NEK1: variants seen among roughly 807,000 people sequenced by gnomAD.
NEK1 encodes serine/threonine-protein kinase Nek1.
A neutral mutation model predicts 182.1 loss-of-function variants in NEK1; 137 were observed. The observed-to-expected ratio is 0.75, with a 90% CI of 0.65 to 0.87. NEK1 has a LOEUF of 0.87. Ranked by LOEUF, NEK1 falls within the 40% of genes least tolerant of loss-of-function variation. NEK1 has a pLI of 0.00. For synonymous variants in NEK1, 513 were observed against 492.2 expected (o/e 1.04, Z -0.56); for missense variants, 1,391 against 1,494.4 (o/e 0.93, Z 1.14).
chr4:169,578,163 G>A (rs958913008), intron 11 of NEK1, among the ~76,000 whole-genome samples: 4 of 152,098 alleles, frequency 2.6e-5, no homozygotes, highest in Non-Finnish European at 5.9e-5. Flanking sequence ...AGTCTTAGAA[G>A]GGATAAGTTC....
rs1749528918 is a variant in NEK1 at position 169,488,853 on chromosome 4, C to T, written c.2008-9319G>A. On this transcript the variant is annotated intron_variant, in intron 23 of 35. Coordinates refer to ENST00000507142, the MANE Select transcript of NEK1 (RefSeq NM_001199397.3). ...TTCTATTGAAATAATAGTTAAATAA[C>T]TTTAATCAATTTTTTTTTGTATATT... Among the ~76,000 whole-genome samples, 3 of 151,912 alleles carry T rather than the reference C, an allele frequency of 2.0e-5. No individual in the cohort carries two copies. The South Asian group carries it at 6.2e-4, about 31-fold the overall frequency.
intron 6 of NEK1, among the ~76,000 whole-genome samples, chr4:169,590,296 G>A (rs111889804): frequency 5.3e-5 from 8 of 150,642 alleles, no homozygotes; most frequent in African/African-American, 1.7e-4. Flanking sequence ...GCAAAAGAGC[G>A]AGACTCCGTC....
chr4:169,507,252 G>A (rs1009549503), intron 22 of NEK1, 120 bp from the exon 23 acceptor site: 2 of 588,080 alleles, frequency 3.4e-6, no homozygotes, highest in South Asian at 3.2e-5. Context: ...AAGTGTGCAT[G>A]TGGTCTTAGA....
At chr4:169,425,162 C>A (rs1198797137) in intron 30 of NEK1, among the ~76,000 whole-genome samples, 1 of 147,290 alleles carries the variant, frequency 6.8e-6, no homozygotes, top group African/African-American at 2.6e-5. Context: ...AAGTGAGACT[C>A]TCTCTCCACA....
At chr4:169,409,746 C>A (rs552996553) in intron 31 of NEK1, among the ~76,000 whole-genome samples, 1 of 151,910 alleles carries the variant, frequency 6.6e-6, no homozygotes, top group African/African-American at 2.4e-5. Context: ...CCAGCCTGGG[C>A]GACAGAGCGA....
chr4:169,530,015 C>A (rs766749225), intron 19 of NEK1, among the ~76,000 whole-genome samples: 2 of 152,102 alleles, frequency 1.3e-5, no homozygotes, highest in East Asian at 3.8e-4. Flanking sequence ...TGTACACTTA[C>A]AATATGACCC....
intron 31 of NEK1, among the ~76,000 whole-genome samples, chr4:169,420,291 C>T (rs1486982475): frequency 6.6e-6 from 1 of 152,156 alleles, no homozygotes; most frequent in African/African-American, 2.4e-5. Context: ...TCCTGAAGGA[C>T]CTGCCTGAGG....
At chr4:169,524,074 G>A (rs1033613822) in intron 19 of NEK1, among the ~76,000 whole-genome samples, 1 of 152,204 alleles carries the variant, frequency 6.6e-6, no homozygotes, top group Non-Finnish European at 1.5e-5. Context: ...TCTTGCACAT[G>A]TGTACCAGGA....
intron 19 of NEK1, among the ~76,000 whole-genome samples, chr4:169,512,527 G>A (rs1754360546): frequency 6.6e-6 from 1 of 151,876 alleles, no homozygotes; most frequent in African/African-American, 2.4e-5. Context: ...TTGGATAAGT[G>A]CTATACAAAC....
At chr4:169,399,028 C>T (rs1267272665) in intron 35 of NEK1, among the ~76,000 whole-genome samples, 1 of 149,134 alleles carries the variant, frequency 6.7e-6, no homozygotes, top group East Asian at 2.0e-4. Flanking sequence ...AGGGGTGAAT[C>T]ATTTGAGGTC....
chr4:169,583,173 G>A (rs1766951936), intron 10 of NEK1, among the ~76,000 whole-genome samples: 2 of 151,938 alleles, frequency 1.3e-5, no homozygotes, highest in South Asian at 2.1e-4. Context: ...AGGCTGAGGA[G>A]GGAGGACTGC....
intron 9 of NEK1, 142 bp from the exon 10 acceptor site, chr4:169,585,691 A>T (rs1237244076): frequency 1.6e-5 from 9 of 547,314 alleles, no homozygotes; most frequent in Non-Finnish European, 2.8e-5. Flanking sequence ...TGTTTTCTAG[A>T]GCAAAGTTTA....
intron 5 of NEK1, among the ~76,000 whole-genome samples, chr4:169,598,751 T>C (rs1020930989): frequency 2.0e-5 from 3 of 152,208 alleles, no homozygotes; most frequent in African/African-American, 7.2e-5. Flanking sequence ...GAGCTGGAGT[T>C]ACCTGGCAAA....
At chr4:169,529,672 A>C (rs1757393127) in intron 19 of NEK1, among the ~76,000 whole-genome samples, 2 of 152,238 alleles carry the variant, frequency 1.3e-5, no homozygotes, top group African/African-American at 4.8e-5. Context: ...TTGGCAAATC[A>C]TTTATCCAAT....
chr4:169,477,408 A>C lies in NEK1; in HGVS notation c.2205+24T>G, dbSNP rs962501925. The stretch of plus-strand genomic sequence containing the variant: ...TGTATATCATTAAGTAAAATGATTG[A>C]TAAACTTTGAAAATTTTACTTACTG... On this transcript the variant is annotated intron_variant, in intron 25 of 35. Coordinates refer to ENST00000507142, the MANE Select transcript of NEK1 (RefSeq NM_001199397.3). 2.5e-6 allele frequency: 4 copies of C among 1,586,014 alleles called. No individual in the cohort carries two copies. In the African/African-American group the frequency reaches 5.4e-5, roughly 21 times the overall value.
At chr4:169,394,551 C>A in intron 35 of NEK1, 28 bp from the exon 36 acceptor site, 1 of 1,350,080 alleles carries the variant, frequency 7.4e-7, no homozygotes, top group Non-Finnish European at 1.0e-6. Flanking sequence ...AAATTGACTT[C>A]ATTTCAAATC....
At position 169,474,908 on chromosome 4, in the gene NEK1, A is replaced by G. The variant is rs147111468; in HGVS notation, c.2434+2216T>C. Among the ~76,000 whole-genome samples, 398 of 152,302 alleles carry G rather than the reference A, an allele frequency of 2.6e-3. 2 individuals are homozygous for G. The highest frequency in any genetic ancestry group is 3.9e-3 in the Admixed American group (59 of 15,294). ...TCAAGGATATCTACTTCTTATTAAG[A>G]TGGTATAGAGTAATTAGAGTTATGC... On this transcript the variant is annotated intron_variant, in intron 26 of 35. Transcript: ENST00000507142.
chr4:169,462,586 A>C (rs1744168846), intron 27 of NEK1, among the ~76,000 whole-genome samples: 1 of 152,066 alleles, frequency 6.6e-6, no homozygotes, highest in South Asian at 2.1e-4. Context: ...TGTCACTAGA[A>C]GCTTTTTAAG....
chr4:169,513,254 A>AT (rs1285457092), intron 19 of NEK1, among the ~76,000 whole-genome samples: 1 of 151,950 alleles, frequency 6.6e-6, no homozygotes, highest in Non-Finnish European at 1.5e-5. Context: ...GTCTTCTTAG[A>AT]TTTTTTTCAC....
Sources: gnomAD v4.1 joint callset for allele counts (sites outside exome capture counted in the v4.1 genomes callset) on GRCh38, gnomAD v4.1.1 for gene constraint, MANE v1.5 for transcripts, NCBI Gene and HGNC (gene_info 2026-07-23, HGNC 2026-07-21) for gene names.